GLYR1: variants seen among roughly 807,000 people sequenced by gnomAD.
GLYR1 encodes glyoxylate reductase 1 homolog.
A neutral mutation model predicts 72.7 loss-of-function variants in GLYR1; 21 were observed. The ratio of observed to expected loss-of-function variants is 0.29; its 90% CI spans 0.20 to 0.42. The LOEUF (loss-of-function observed/expected upper bound fraction) is 0.42. GLYR1 is among the 10% of genes least tolerant of loss of function. The pLI is 1.00. For synonymous variants in GLYR1, 392 were observed against 270.2 expected (o/e 1.45, Z -4.42); for missense variants, 594 against 712.1 (o/e 0.83, Z 1.89).
intron 5 of GLYR1, among the ~76,000 whole-genome samples, chr16:4,824,270 T>C (rs1036138230): frequency 1.4e-4 from 22 of 151,902 alleles, no homozygotes; most frequent in Non-Finnish European, 2.4e-4. Context: ...ATCCCAGCAC[T>C]TTGGGAGGCC....
At chr16:4,825,327 G>C (rs1222607982) in intron 5 of GLYR1, among the ~76,000 whole-genome samples, 1 of 151,982 alleles carries the variant, frequency 6.6e-6, no homozygotes, top group East Asian at 1.9e-4. Flanking sequence ...TCTCTAGCTC[G>C]TTAGCACCCT....
chr16:4,846,100 G>A, intron 2 of GLYR1, 74 bp downstream of exon 2: 1 of 1,494,394 alleles, frequency 6.7e-7, no homozygotes, highest in South Asian at 1.1e-5. Context: ...TAGAAACTGA[G>A]AGGAATGCAT....
chr16:4,834,237 G>A (rs946481688), intron 3 of GLYR1, among the ~76,000 whole-genome samples: 5 of 151,922 alleles, frequency 3.3e-5, no homozygotes, highest in African/African-American at 4.8e-5. Flanking sequence ...GATGATGAAT[G>A]GAGATACAGA....
intron 15 of GLYR1, among the ~76,000 whole-genome samples, chr16:4,805,900 G>A (rs1439959270): frequency 6.6e-6 from 1 of 152,174 alleles, no homozygotes; most frequent in Non-Finnish European, 1.5e-5. Flanking sequence ...AGAATAGCTT[G>A]AACCTGGGAG....
At chr16:4,807,128 T>G (rs867784229) in intron 15 of GLYR1, among the ~76,000 whole-genome samples, 1 of 145,858 alleles carries the variant, frequency 6.9e-6, no homozygotes, top group Non-Finnish European at 1.5e-5. Context: ...TTTTTTTTTT[T>G]TGAGACGGAG....
At position 4,805,315 on chromosome 16, in the gene GLYR1, A is replaced by T. The variant is rs772280296; in HGVS notation, c.1588-5T>A. On this transcript the variant is annotated splice_polypyrimidine_tract_variant and splice_region_variant and intron_variant, in intron 15 of 15. Transcript: ENST00000321919. ...CGCCTTGGCTCTTTTGTACACCTGG[A>T]AAAAAAAGAGATGGCTCAGTCTCTG... 1 of 1,605,274 alleles carries T rather than the reference A, an allele frequency of 6.2e-7. No individual in the cohort carries two copies. The highest frequency in any genetic ancestry group is 2.2e-5 in the East Asian group (1 of 44,732).
chr16:4,812,055 G>A lies in GLYR1; in HGVS notation c.1282+31C>T, dbSNP rs761900515. On this transcript the variant is annotated intron_variant, in intron 13 of 15. Coordinates refer to ENST00000321919, the MANE Select transcript of GLYR1 (RefSeq NM_032569.4). ...TGAAACAGAGGAGATGTGGCCCCAGGCTCCAGGCCTGACAGGTGCAGGCGT... is the reference window on the plus strand; with the variant it reads ...TGAAACAGAGGAGATGTGGCCCCAGACTCCAGGCCTGACAGGTGCAGGCGT... 3.1e-6 allele frequency: 5 copies of A among 1,598,176 alleles called. No individual in the cohort carries two copies. The South Asian group carries it at 5.6e-5, about 18-fold the overall frequency.
chr16:4,822,153 C>T (rs1383184666), intron 7 of GLYR1, among the ~76,000 whole-genome samples: 1 of 152,234 alleles, frequency 6.6e-6, no homozygotes, highest in African/African-American at 2.4e-5. Context: ...GTGGCACCAT[C>T]TCGGCTTGCT....
intron 3 of GLYR1, chr16:4,844,051 T>C (rs2085758784): frequency 6.6e-6 from 1 of 151,076 alleles, no homozygotes; most frequent in African/African-American, 2.5e-5. Flanking sequence ...GAGGTGGAGG[T>C]TGCAGTGAGC....
chr16:4,813,694 G>C, intron 12 of GLYR1, 43 bp downstream of exon 12: 1 of 1,505,080 alleles, frequency 6.6e-7, no homozygotes, highest in Non-Finnish European at 9.1e-7. Context: ...CTTGGGCTCT[G>C]ATAGAAAAGA....
chr16:4,837,934 A>C (rs550977577), intron 3 of GLYR1, among the ~76,000 whole-genome samples: 2,328 of 62,356 alleles, frequency 0.037, 40 homozygotes, highest in Middle Eastern at 0.073. Flanking sequence ...CATCTCAAAA[A>C]ATAAATAAAT....
chr16:4,837,972 T>TAAAA (rs1567796625), intron 3 of GLYR1, among the ~76,000 whole-genome samples: 1 of 142,164 alleles, frequency 7.0e-6, no homozygotes, highest in Non-Finnish European at 1.5e-5. Flanking sequence ...AATAAATAAA[T>TAAAA]AAAGATAAGA....
At chr16:4,820,692 G>A (rs978381585) in intron 9 of GLYR1, among the ~76,000 whole-genome samples, 3 of 152,216 alleles carry the variant, frequency 2.0e-5, no homozygotes, top group African/African-American at 7.2e-5. Flanking sequence ...GGTACAAACT[G>A]GAAACTGACT....
chr16:4,830,458 G>GC (rs2084722296), intron 5 of GLYR1, among the ~76,000 whole-genome samples: 1 of 152,252 alleles, frequency 6.6e-6, no homozygotes, highest in Non-Finnish European at 1.5e-5. Flanking sequence ...ACCATGGCCA[G>GC]CCCTGCTGCT....
chr16:4,807,071 G>A (rs1256684800), intron 15 of GLYR1, among the ~76,000 whole-genome samples: 2 of 147,158 alleles, frequency 1.4e-5, no homozygotes, highest in African/African-American at 5.0e-5. Context: ...CTCCCAAAGT[G>A]CTGGGATTAC....
intron 1 of GLYR1, among the ~76,000 whole-genome samples, chr16:4,846,498 C>T (rs961485660): frequency 6.6e-6 from 1 of 152,236 alleles, no homozygotes; most frequent in Non-Finnish European, 1.5e-5. Flanking sequence ...ACAGCTTCCT[C>T]TGTAAACACA....
chr16:4,811,599 G>C (rs1374163019), intron 14 of GLYR1, 24 bp downstream of exon 14: 1 of 1,610,166 alleles, frequency 6.2e-7, no homozygotes, highest in East Asian at 2.2e-5. Context: ...CCAAATGCAA[G>C]AAGAGGGGCC....
rs1334573468 is a variant in GLYR1, at chr16:4,830,199, C to G, written c.537+1780G>C. Reference sequence around the variant, plus strand: ...AAATGCTGGGATTACAGGCATAAGCCACTGCACCTGGCCAACTTTGTCTTT... The same window carrying G: ...AAATGCTGGGATTACAGGCATAAGCGACTGCACCTGGCCAACTTTGTCTTT... On this transcript the variant is annotated intron_variant, in intron 5 of 15. Coordinates refer to ENST00000321919, the MANE Select transcript of GLYR1 (RefSeq NM_032569.4). Among the ~76,000 whole-genome samples, 2 of 150,400 alleles carry G rather than the reference C, an allele frequency of 1.3e-5. 1 individual carries two copies. Among genetic ancestry groups the G allele is most frequent in the Non-Finnish European group, 2.9e-5 (2 of 67,858 alleles).
chr16:4,809,375 G>A lies in GLYR1; in HGVS notation c.1587+1795C>T, dbSNP rs111998981. On this transcript the variant is annotated intron_variant, in intron 15 of 15. Transcript: ENST00000321919. ...CAGCTAATTTTTTGTATTTTTAGTA[G>A]AGATAGGGGTTTCAACATCTTGGTC... 2.2e-3 allele frequency among the ~76,000 whole-genome samples: 331 copies of A among 151,146 alleles called. 2 individuals carry two copies. Among genetic ancestry groups the A allele is most frequent in the African/African-American group, 7.7e-3 (317 of 41,250 alleles).
Sources: gnomAD v4.1 joint callset for allele counts (sites outside exome capture counted in the v4.1 genomes callset) on GRCh38, gnomAD v4.1.1 for gene constraint, MANE v1.5 for transcripts, NCBI Gene and HGNC (gene_info 2026-07-23, HGNC 2026-07-21) for gene names.